Variants in MITF observed in about 807,000 individuals in gnomAD.
The protein encoded by MITF is microphthalmia-associated transcription factor.
Under a neutral mutation model 60.5 loss-of-function variants are expected in MITF, and 17 were observed. That is an observed-to-expected ratio of 0.28 (90% CI 0.19 to 0.42). The LOEUF (loss-of-function observed/expected upper bound fraction) is 0.42, where lower values mean the gene tolerates loss of function less well. Ranked by LOEUF, MITF falls within the 10% of genes least tolerant of loss-of-function variation. The probability of loss-of-function intolerance (pLI) is 1.00; values close to 1 mark genes in which losing one functional copy is unlikely to be tolerated. For synonymous variants in MITF, 260 were observed against 248.5 expected (o/e 1.05, Z -0.43); for missense variants, 622 against 683.5 (o/e 0.91, Z 1.00).
At chr3:69,872,504 A>C (rs1377633605) in intron 1 of MITF, among the ~76,000 whole-genome samples, 12 of 152,222 alleles carry the variant, frequency 7.9e-5, no homozygotes. Context: ...CTATACTATT[A>C]TATAACATGT....
Position 69,780,870 on chromosome 3 carries a change from A to G in MITF, c.104+41169A>G, listed in dbSNP as rs532710007. On this transcript the variant is annotated intron_variant, in intron 1 of 9. Transcript: ENST00000352241. ...ATGCAAGTTGCTCCAGACCAGATTC[A>G]CTGTGGGAAGGGACTGCACAAAGCA... is the stretch of plus-strand genomic sequence containing the variant. 5.9e-5 allele frequency among the ~76,000 whole-genome samples: 9 copies of G among 152,290 alleles called. No homozygotes were observed. In the Middle Eastern group the frequency reaches 0.014, roughly 230 times the overall value.
intron 1 of MITF, chr3:69,763,801 C>T (rs1288661928): frequency 7.3e-7 from 1 of 1,363,670 alleles, no homozygotes; most frequent in South Asian, 1.2e-5. Context: ...TGGCATTAAT[C>T]TTGGGAATTC....
At chr3:69,844,434 C>A (rs1026656000) in intron 1 of MITF, among the ~76,000 whole-genome samples, 4 of 152,158 alleles carry the variant, frequency 2.6e-5, no homozygotes, top group African/African-American at 9.7e-5. Flanking sequence ...AAAACTGAAA[C>A]TGGACCCCTT....
intron 2 of MITF, among the ~76,000 whole-genome samples, chr3:69,923,462 A>G (rs536161965): frequency 3.7e-4 from 56 of 152,164 alleles, no homozygotes; most frequent in Non-Finnish European, 7.4e-4. Context: ...CTCCTGCCTC[A>G]GCCTCCTGAG....
Position 69,966,256 on chromosome 3 carries a change from A to G in MITF, c.*1008A>G. 1 of 232,820 alleles carries G rather than the reference A, an allele frequency of 4.3e-6. No homozygotes were observed. Among genetic ancestry groups the G allele is most frequent in the Non-Finnish European group, 8.5e-6 (1 of 117,568 alleles). The allele number at this position is 232,820 out of a possible 1,614,324, so 14.4% of individuals were successfully genotyped here. On this transcript the variant is annotated 3_prime_UTR_variant, in exon 10 of 10. Coordinates refer to ENST00000352241, the MANE Select transcript of MITF (RefSeq NM_001354604.2). ...TGCATCTTAAAATGGCAAGTTTTCC[A>G]TATTTTTACAACTCACTGGTGGTTT...
intron 1 of MITF, among the ~76,000 whole-genome samples, chr3:69,761,233 A>G (rs922405725): frequency 8.5e-5 from 13 of 152,228 alleles, no homozygotes; most frequent in Admixed American, 2.6e-4. Context: ...TCAGGAATTA[A>G]TAATTTACAT....
intron 3 of MITF, chr3:69,938,680 G>A (rs971972460): frequency 4.6e-6 from 6 of 1,310,570 alleles, no homozygotes; most frequent in Non-Finnish European, 5.8e-6. Context: ...AAGCTAATTG[G>A]TGCATCAAAA....
intron 1 of MITF, among the ~76,000 whole-genome samples, chr3:69,844,625 A>G (rs1296520384): frequency 6.6e-6 from 1 of 152,222 alleles, no homozygotes; most frequent in Admixed American, 6.5e-5. Context: ...GACAAATGGG[A>G]TCAAATTAAA....
At chr3:69,892,648 G>A (rs2064785098) in intron 2 of MITF, among the ~76,000 whole-genome samples, 1 of 152,188 alleles carries the variant, frequency 6.6e-6, no homozygotes, top group Non-Finnish European at 1.5e-5. Flanking sequence ...GCTATCAAGA[G>A]TTATTTAAAT....
intron 1 of MITF, among the ~76,000 whole-genome samples, chr3:69,816,229 T>C (rs2063179659): frequency 6.6e-6 from 1 of 152,182 alleles, no homozygotes; most frequent in Non-Finnish European, 1.5e-5. Context: ...CTTCTAGGTC[T>C]CTTCCTTTGT....
intron 2 of MITF, among the ~76,000 whole-genome samples, chr3:69,907,346 A>G (rs1042552699): frequency 2.0e-5 from 3 of 152,200 alleles, no homozygotes; most frequent in Non-Finnish European, 4.4e-5. Flanking sequence ...GAATAAATAA[A>G]TGAACGAGTT....
At chr3:69,948,620 G>A (rs2066160720) in intron 5 of MITF, among the ~76,000 whole-genome samples, 1 of 151,766 alleles carries the variant, frequency 6.6e-6, no homozygotes, top group African/African-American at 2.4e-5. Context: ...GAGAAGGAAG[G>A]AACAAAATTA....
chr3:69,792,237 C>T (rs1470972979), intron 1 of MITF, among the ~76,000 whole-genome samples: 1 of 152,178 alleles, frequency 6.6e-6, no homozygotes, highest in Non-Finnish European at 1.5e-5. Context: ...TGATAGTGAG[C>T]AAAGGGCCAG....
In MITF at chr3:69,965,030, A is replaced by G; in HGVS notation, c.1363A>G (p.Ile455Val). Residue 455 changes from isoleucine to valine, a missense_variant, in exon 10 of 10, where the codon ATC (isoleucine) becomes GTC (valine). Ile to Val is a conservative substitution (Grantham distance 29). This residue lies in a region of MITF where 224 missense variants were observed against 209.5 expected (regional missense o/e 1.07). Transcript: ENST00000352241. ...TTTLDLTDGT[I>V]TFNNNLGTGT... is the part of the protein sequence containing the mutation. ...AACTCTCGATCTCACGGATGGCACC[A>G]TCACCTTCAACAACAACCTCGGAAC... The G allele has an allele frequency of 1.2e-6, 2 of 1,614,144 alleles. No individual in the cohort carries two copies. The highest frequency in any genetic ancestry group is 1.6e-4 in the Middle Eastern group (1 of 6,062).
chr3:69,934,953 A>G (rs1370974531), intron 2 of MITF, among the ~76,000 whole-genome samples: 2 of 152,146 alleles, frequency 1.3e-5, no homozygotes, highest in African/African-American at 4.8e-5. Flanking sequence ...ATTGCCAGCT[A>G]CCCTTGAAAA....
At chr3:69,924,549 A>G (rs1405430317) in intron 2 of MITF, among the ~76,000 whole-genome samples, 1 of 152,248 alleles carries the variant, frequency 6.6e-6, no homozygotes, top group Non-Finnish European at 1.5e-5. Context: ...AGCAGAGTGA[A>G]TAATAGAATG....
chr3:69,867,061 C>T (rs376152768), intron 1 of MITF, among the ~76,000 whole-genome samples: 19 of 152,250 alleles, frequency 1.2e-4, no homozygotes, highest in African/African-American at 4.6e-4. Flanking sequence ...CATCCTTTAA[C>T]ATTTACTTTC....
intron 1 of MITF, among the ~76,000 whole-genome samples, chr3:69,772,889 C>T (rs2062414557): frequency 1.3e-5 from 2 of 152,116 alleles, no homozygotes; most frequent in African/African-American, 4.8e-5. Flanking sequence ...TACAGCAGGG[C>T]ACCAAACTGT....
intron 1 of MITF, among the ~76,000 whole-genome samples, chr3:69,789,331 T>TC (rs1214508417): frequency 1.3e-5 from 2 of 152,150 alleles, no homozygotes; most frequent in Non-Finnish European, 2.9e-5. Flanking sequence ...GGCAAAGGAC[T>TC]TTAAGAGACA....
Sources: gnomAD v4.1 joint callset for allele counts (sites outside exome capture counted in the v4.1 genomes callset) on GRCh38, gnomAD v4.1.1 for gene constraint, gnomAD v4.1.1 regional missense constraint, MANE v1.5 for transcripts, NCBI Gene and HGNC (gene_info 2026-07-23, HGNC 2026-07-21) for gene names.